Variants in INPP4A observed in about 807,000 individuals in gnomAD.
The protein encoded by INPP4A is inositol polyphosphate-4-phosphatase, type I, 107kD.
In INPP4A, 33 loss-of-function variants were observed where a neutral mutation model predicts 119.8. The ratio of observed to expected loss-of-function variants is 0.28; its 90% CI spans 0.21 to 0.37. The LOEUF (loss-of-function observed/expected upper bound fraction) is 0.37. Ranked by LOEUF, INPP4A falls within the 10% of genes least tolerant of loss-of-function variation. The pLI is 1.00. For missense variants in INPP4A, 956 were observed against 1,289.9 expected, an observed-to-expected ratio of 0.74 and a Z score of 3.97; for synonymous variants, 496 against 500.7, an observed-to-expected ratio of 0.99 and a Z score of 0.12.
chr2:98,530,039 C>A (rs13418211), intron 4 of INPP4A, among the ~76,000 whole-genome samples: 1 of 152,076 alleles, frequency 6.6e-6, no homozygotes, highest in Non-Finnish European at 1.5e-5. Flanking sequence ...CCAGAAGCAA[C>A]AGAAGAATTC....
intron 1 of INPP4A, among the ~76,000 whole-genome samples, chr2:98,476,105 C>G (rs1677152742): frequency 6.6e-6 from 1 of 152,132 alleles, no homozygotes; most frequent in South Asian, 2.1e-4. Context: ...AAATTTTTAC[C>G]ATCCCAAAAC....
chr2:98,555,321 C>A (rs1489989697), intron 15 of INPP4A, among the ~76,000 whole-genome samples: 1 of 152,236 alleles, frequency 6.6e-6, no homozygotes, highest in Non-Finnish European at 1.5e-5. Flanking sequence ...GAGTTACTAG[C>A]AAACATCTCC....
At chr2:98,553,366 G>GAT (rs200316809) in intron 14 of INPP4A, among the ~76,000 whole-genome samples, 2 of 149,612 alleles carry the variant, frequency 1.3e-5, no homozygotes, top group African/African-American at 4.9e-5. Context: ...ACAGACATAA[G>GAT]AAGAATATAA....
intron 18 of INPP4A, 92 bp downstream of exon 18, chr2:98,563,729 TA>T (rs929149234): frequency 4.6e-5 from 60 of 1,300,642 alleles, no homozygotes; most frequent in Non-Finnish European, 5.6e-5. Flanking sequence ...ACTTCACTTG[TA>T]AAAGACCCCA....
Position 98,563,601 on chromosome 2 carries a change from C to T in INPP4A, c.1992C>T (p.Ser664=), listed in dbSNP as rs1695883427. 6.2e-7 allele frequency: 1 copy of T among 1,613,262 alleles called. No homozygotes were observed. The highest frequency in any genetic ancestry group is 1.3e-5 in the African/African-American group (1 of 74,922). Residue 664 remains serine, a synonymous_variant, in exon 18 of 25, where the codon AGC becomes AGT. Coordinates refer to ENST00000409851, the MANE Select transcript of INPP4A (RefSeq NM_001134225.2). The part of the protein sequence containing the change: ...DSAPTIATYL[S]LQYRRDVVFC... ...CGCCCACCATAGCCACCTACCTGAG[C>T]CTGCAGTACCGCCGTGACGTGGTCT...
intron 1 of INPP4A, among the ~76,000 whole-genome samples, chr2:98,455,534 G>C (rs1455011245): frequency 6.6e-6 from 1 of 152,104 alleles, no homozygotes; most frequent in African/African-American, 2.4e-5. Context: ...ACTTGGTGAA[G>C]TCATGCCTGA....
chr2:98,536,689 AT>A (rs1690345883), intron 7 of INPP4A, among the ~76,000 whole-genome samples: 1 of 152,224 alleles, frequency 6.6e-6, no homozygotes, highest in Non-Finnish European at 1.5e-5. Flanking sequence ...CTTCCAAATC[AT>A]TTTAGGGGCA....
At chr2:98,564,785 C>G (rs372717208) in intron 19 of INPP4A, 22 bp downstream of exon 19, 1 of 1,560,608 alleles carries the variant, frequency 6.4e-7, no homozygotes, top group Non-Finnish European at 8.7e-7. Context: ...GGGCCAGGAT[C>G]GGGAGCCCCA....
chr2:98,531,917 C>G (rs1168792784), intron 4 of INPP4A, among the ~76,000 whole-genome samples: 1 of 152,176 alleles, frequency 6.6e-6, no homozygotes, highest in African/African-American at 2.4e-5. Flanking sequence ...GGGTAAACAT[C>G]TGGGTTATAG....
chr2:98,559,422 C>T, intron 16 of INPP4A, 41 bp from the exon 17 acceptor site: 1 of 1,612,498 alleles, frequency 6.2e-7, no homozygotes, highest in Non-Finnish European at 8.5e-7. Context: ...GAACTGTGTG[C>T]TGCTCCTTAA....
intron 24 of INPP4A, chr2:98,581,439 T>C (rs1699289194): frequency 1.1e-6 from 1 of 910,714 alleles, no homozygotes; most frequent in South Asian, 2.1e-5. Context: ...TTTCATTTTT[T>C]TTTAACCTTA....
intron 1 of INPP4A, among the ~76,000 whole-genome samples, chr2:98,518,027 C>T (rs1686475765): frequency 6.6e-6 from 1 of 152,186 alleles, no homozygotes; most frequent in South Asian, 2.1e-4. Context: ...GTCACTTTTT[C>T]AAAATGTTTA....
intron 1 of INPP4A, among the ~76,000 whole-genome samples, chr2:98,504,841 C>T (rs751139665): frequency 6.6e-5 from 10 of 152,166 alleles, no homozygotes; most frequent in East Asian, 5.8e-4. Context: ...CTTAACGTGG[C>T]GCTGTAGAAG....
chr2:98,542,495 G>A (rs1691653314), intron 10 of INPP4A, among the ~76,000 whole-genome samples: 1 of 152,122 alleles, frequency 6.6e-6, no homozygotes, highest in Non-Finnish European at 1.5e-5. Flanking sequence ...CTTCCCGGAA[G>A]CAACCAATTT....
chr2:98,482,265 T>C (rs1678622881), intron 1 of INPP4A, among the ~76,000 whole-genome samples: 1 of 152,262 alleles, frequency 6.6e-6, no homozygotes, highest in South Asian at 2.1e-4. Flanking sequence ...GGTTCCCACA[T>C]TATTGGGCTG....
At chr2:98,466,768 G>T (rs957524724) in intron 1 of INPP4A, among the ~76,000 whole-genome samples, 2 of 152,208 alleles carry the variant, frequency 1.3e-5, no homozygotes, top group African/African-American at 4.8e-5. Flanking sequence ...TGGGGACCCA[G>T]AGTTTTATTT....
chr2:98,497,629 C>T (rs759983173), intron 1 of INPP4A, among the ~76,000 whole-genome samples: 3 of 152,186 alleles, frequency 2.0e-5, no homozygotes, highest in African/African-American at 7.2e-5. Flanking sequence ...GTTTGAGTTC[C>T]TTGTATGTTT....
intron 22 of INPP4A, among the ~76,000 whole-genome samples, chr2:98,571,728 T>C (rs1327581780): frequency 1.3e-5 from 2 of 152,178 alleles, no homozygotes; most frequent in African/African-American, 4.8e-5. Flanking sequence ...CCCCAAACTT[T>C]GTGTGGTTCC....
In INPP4A at chr2:98,473,341, G is replaced by T. The variant is rs544259322; in HGVS notation, c.-166+28256G>T. Reference sequence around the variant, plus strand: ...GTGGAGAGTGAGGAGGGCAGTGTGGGTGGAGTGGAGAGTGAGGAGGGCAGT... The same window carrying T: ...GTGGAGAGTGAGGAGGGCAGTGTGGTTGGAGTGGAGAGTGAGGAGGGCAGT... On this transcript the variant is annotated intron_variant, in intron 1 of 24. Coordinates refer to ENST00000409851, the MANE Select transcript of INPP4A (RefSeq NM_001134225.2). 7.3e-5 allele frequency among the ~76,000 whole-genome samples: 11 copies of T among 151,632 alleles called. No homozygotes were observed. In the East Asian group the frequency reaches 2.0e-3, roughly 27 times the overall value.
Sources: allele counts gnomAD v4.1 joint callset (sites outside exome capture counted in the v4.1 genomes callset), GRCh38; gene constraint gnomAD v4.1.1; transcripts MANE v1.5; gene names NCBI Gene and HGNC (gene_info 2026-07-23, HGNC 2026-07-21).